The following TAOK1 variants were observed in gnomAD, a reference collection of about 807,000 sequenced individuals.
The protein encoded by TAOK1 is serine/threonine-protein kinase TAO1.
Under a neutral mutation model 138.3 loss-of-function variants are expected in TAOK1, and 21 were observed. That is an observed-to-expected ratio of 0.15 (90% CI 0.11 to 0.22). The LOEUF (loss-of-function observed/expected upper bound fraction) is 0.22, where lower values mean the gene tolerates loss of function less well. Ranked by LOEUF, TAOK1 falls within the 10% of genes least tolerant of loss-of-function variation. The pLI, the probability that TAOK1 is intolerant of heterozygous loss-of-function variation, is 1.00. For missense variants in TAOK1, 651 were observed against 1,227.7 expected, an observed-to-expected ratio of 0.53 and a Z score of 7.02; for synonymous variants, 361 against 398.4, an observed-to-expected ratio of 0.91 and a Z score of 1.12.
rs912045093 is a variant in TAOK1 at position 29,495,438 on chromosome 17, G to C, written c.832-122G>C. The C allele has an allele frequency of 8.3e-6, 6 of 721,812 alleles. No homozygotes were observed. The African/African-American group carries it at 1.1e-4, about 13-fold the overall frequency. The allele number at this position is 721,812 out of a possible 1,614,324, so 44.7% of individuals were successfully genotyped here. A position where few individuals can be genotyped will look rare whatever the true frequency, so the allele number is the denominator to read the frequency against. On this transcript the variant is annotated intron_variant, in intron 10 of 19. Transcript: ENST00000261716. The stretch of plus-strand genomic sequence containing the variant: ...TTTTATAAATAGAAGAAATTTAACA[G>C]AATTATATAGCTATAGATTACATGC...
chr17:29,451,882 T>C (rs2030248264), intron 2 of TAOK1, among the ~76,000 whole-genome samples: 1 of 152,188 alleles, frequency 6.6e-6, no homozygotes, highest in Non-Finnish European at 1.5e-5. Context: ...AATAGTTTTA[T>C]TTATTGAACT....
At chr17:29,492,001 C>G (rs2031305037) in intron 10 of TAOK1, 136 bp downstream of exon 10, 2 of 604,604 alleles carry the variant, frequency 3.3e-6, no homozygotes, top group African/African-American at 3.7e-5. Context: ...CCTCCCACCT[C>G]AGCCTCCCAA....
chr17:29,459,723 C>A (rs1043367115), intron 2 of TAOK1, among the ~76,000 whole-genome samples: 7 of 152,176 alleles, frequency 4.6e-5, no homozygotes, highest in African/African-American at 1.7e-4. Flanking sequence ...GTGCAGATAT[C>A]TCTTTGATAA....
chr17:29,453,282 C>T (rs2030290262), intron 2 of TAOK1, among the ~76,000 whole-genome samples: 1 of 151,440 alleles, frequency 6.6e-6, no homozygotes, highest in African/African-American at 2.4e-5. Flanking sequence ...GCCTCAGCCT[C>T]CCGAGTAGCT....
At chr17:29,398,590 C>T (rs1904735873) in intron 1 of TAOK1, among the ~76,000 whole-genome samples, 1 of 151,522 alleles carries the variant, frequency 6.6e-6, no homozygotes, top group Non-Finnish European at 1.5e-5. Context: ...AGTGCAATGG[C>T]GTGATCTCGG....
intron 15 of TAOK1, chr17:29,512,752 G>C (rs1378395907): frequency 6.6e-6 from 1 of 150,846 alleles, no homozygotes; most frequent in Admixed American, 6.7e-5. Context: ...GCGCGATCTC[G>C]GCTCACTGCA....
chr17:29,433,432 A>G (rs1168546160), intron 1 of TAOK1, among the ~76,000 whole-genome samples: 1 of 142,142 alleles, frequency 7.0e-6, no homozygotes, highest in Non-Finnish European at 1.5e-5. Context: ...CTCAAAAAAA[A>G]AAAAAAAAGA....
At chr17:29,481,871 A>T (rs2031070903) in intron 7 of TAOK1, among the ~76,000 whole-genome samples, 1 of 152,102 alleles carries the variant, frequency 6.6e-6, no homozygotes, top group Admixed American at 6.5e-5. Flanking sequence ...GAGGCAGGAG[A>T]ATGGCGTGAA....
intron 1 of TAOK1, among the ~76,000 whole-genome samples, chr17:29,426,822 G>A (rs1457186305): frequency 1.3e-5 from 2 of 152,114 alleles, no homozygotes; most frequent in Admixed American, 6.6e-5. Flanking sequence ...GGGTGTTTTG[G>A]AGTGGCATCC....
rs2032408113 is a variant in TAOK1, at chr17:29,546,683, C to G, written c.*3661C>G. ...TTAAATATGCACATTTTTGGTATAG[C>G]TATTATCATTTGTATGTATATATTG... On this transcript the variant is annotated 3_prime_UTR_variant, in exon 20 of 20. Transcript: ENST00000261716. The G allele has an allele frequency of 6.6e-6, 1 of 151,874 alleles. No individual in the cohort carries two copies. Among genetic ancestry groups the G allele is most frequent in the South Asian group, 2.1e-4 (1 of 4,818 alleles). 9.4% of individuals were successfully genotyped at this position (151,874 alleles called of 1,614,324 possible).
At chr17:29,439,903 A>T (rs12450818) in intron 1 of TAOK1, among the ~76,000 whole-genome samples, 24,025 of 149,668 alleles carry the variant, frequency 0.16, 2,059 homozygotes, top group Admixed American at 0.21. Flanking sequence ...TTTTTAAGAT[A>T]GTCTGTAATA....
intron 1 of TAOK1, among the ~76,000 whole-genome samples, chr17:29,401,752 TCAA>T (rs1164239649): frequency 1.3e-5 from 2 of 152,084 alleles, no homozygotes; most frequent in African/African-American, 2.4e-5. Flanking sequence ...CCTCTTGGGC[TCAA>T]GCAATCCTCC....
chr17:29,513,514 T>C (rs1300348515), intron 15 of TAOK1: 1 of 152,200 alleles, frequency 6.6e-6, no homozygotes, highest in African/African-American at 2.4e-5. Context: ...GTCAAACAAA[T>C]AAATGCATTT....
intron 1 of TAOK1, among the ~76,000 whole-genome samples, chr17:29,426,295 G>A (rs1358211794): frequency 3.9e-5 from 6 of 152,276 alleles, no homozygotes; most frequent in South Asian, 2.1e-4. Context: ...TGCAGAGAGC[G>A]TATTGTTCCA....
chr17:29,533,489 C>T (rs1318784382), intron 18 of TAOK1, among the ~76,000 whole-genome samples: 2 of 151,146 alleles, frequency 1.3e-5, no homozygotes, highest in Admixed American at 6.6e-5. Flanking sequence ...CCAAGGCAGG[C>T]GGCTGGGAGG....
chr17:29,422,612 T>C (rs1055925676), intron 1 of TAOK1, among the ~76,000 whole-genome samples: 5 of 152,228 alleles, frequency 3.3e-5, no homozygotes, highest in African/African-American at 1.2e-4. Flanking sequence ...TTACTTATAA[T>C]AATCCCATAT....
chr17:29,511,947 A>G (rs2031728050), intron 15 of TAOK1: 1 of 152,036 alleles, frequency 6.6e-6, no homozygotes, highest in Non-Finnish European at 1.5e-5. Context: ...TAAGGGAGAT[A>G]TTTGCTTATC....
In TAOK1 at chr17:29,431,227, G is replaced by A. The variant is rs187960154; in HGVS notation, c.-94-20228G>A. ...TTCTCACTTAGGTGAGAGTGCTTGC[G>A]CTCTGGAGTTTGAGGCCAGCCTGGG... On this transcript the variant is annotated intron_variant, in intron 1 of 19. Transcript: ENST00000261716. Among the ~76,000 whole-genome samples the A allele has an allele frequency of 7.6e-4, 115 of 152,180 alleles. 2 individuals carry two copies. The South Asian group carries it at 9.5e-3, about 13-fold the overall frequency.
chr17:29,466,253 C>G (rs1041673592), intron 2 of TAOK1, among the ~76,000 whole-genome samples: 3 of 152,244 alleles, frequency 2.0e-5, no homozygotes, highest in African/African-American at 7.2e-5. Flanking sequence ...AAGCGATTCT[C>G]CTGTCTCAGC....
Sources: gnomAD v4.1 joint callset for allele counts (sites outside exome capture counted in the v4.1 genomes callset) on GRCh38, gnomAD v4.1.1 for gene constraint, MANE v1.5 for transcripts, NCBI Gene and HGNC (gene_info 2026-07-23, HGNC 2026-07-21) for gene names.